The following COL13A1 variants were observed in gnomAD, a reference collection of about 807,000 sequenced individuals.
The protein encoded by COL13A1 is collagen type XIII alpha 1 chain, also known as collagen alpha-1(XIII) chain.
Under a neutral mutation model 130.9 loss-of-function variants are expected in COL13A1, and 89 were observed. The ratio of observed to expected loss-of-function variants is 0.68; its 90% CI spans 0.57 to 0.81. The LOEUF (loss-of-function observed/expected upper bound fraction) is 0.81, where lower values mean the gene tolerates loss of function less well. Among genes scored for constraint, COL13A1 ranks in the 30% least tolerant of loss-of-function variants. The pLI is 0.00. For synonymous variants in COL13A1, 402 were observed against 341.6 expected, an observed-to-expected ratio of 1.18 and a Z score of -1.95; for missense variants, 879 against 934.6, an observed-to-expected ratio of 0.94 and a Z score of 0.78.
intron 2 of COL13A1, among the ~76,000 whole-genome samples, chr10:69,859,771 G>A (rs1238514451): frequency 6.6e-6 from 1 of 152,246 alleles, no homozygotes. Context: ...GCTGCCCAGA[G>A]GGCTGCAGCC....
intron 2 of COL13A1, among the ~76,000 whole-genome samples, chr10:69,852,833 T>C (rs896127620): frequency 2.0e-5 from 3 of 152,386 alleles, no homozygotes; most frequent in African/African-American, 7.2e-5. Context: ...CAGTGAATGA[T>C]GCTAGTGGCC....
chr10:69,925,139 C>A, intron 25 of COL13A1, 132 bp downstream of exon 25: 2 of 901,494 alleles, frequency 2.2e-6, no homozygotes, highest in South Asian at 2.6e-5. Flanking sequence ...AGAGACAGGT[C>A]TGTGCCTTTT....
intron 36 of COL13A1, among the ~76,000 whole-genome samples, chr10:69,944,548 A>C (rs1278211669): frequency 1.3e-5 from 2 of 152,092 alleles, no homozygotes; most frequent in Non-Finnish European, 2.9e-5. Flanking sequence ...AGTCCTAGCT[A>C]CTTGGGAGGC....
At chr10:69,860,533 G>A (rs1002890462) in intron 2 of COL13A1, among the ~76,000 whole-genome samples, 17 of 152,190 alleles carry the variant, frequency 1.1e-4, no homozygotes, top group African/African-American at 3.6e-4. Flanking sequence ...ATCAGCTGTC[G>A]AGACACCATT....
chr10:69,863,078 C>T lies in COL13A1; in HGVS notation c.365-4720C>T, dbSNP rs373504330. Among the ~76,000 whole-genome samples the T allele has an allele frequency of 2.0e-4, 31 of 152,178 alleles. 1 individual carries two copies. The East Asian group carries it at 3.1e-3, about 15-fold the overall frequency. ...AGGGACTGAGGCACGGGAGGAGCCC[C>T]GAGGCAGGTCTGGTGCCATTAGTCC... On this transcript the variant is annotated intron_variant, in intron 2 of 40. Transcript: ENST00000645393.
At chr10:69,931,787 A>G (rs1283926095) in intron 30 of COL13A1, among the ~76,000 whole-genome samples, 1 of 152,176 alleles carries the variant, frequency 6.6e-6, no homozygotes, top group Non-Finnish European at 1.5e-5. Flanking sequence ...TGCATAACTA[A>G]TCACTGCAAA....
rs2066271086 is a variant in COL13A1, at chr10:69,932,603, A to G, written c.1727A>G (p.Glu576Gly). The change falls in exon 31 of 41, where the codon GAG becomes GGG. Residue 576 changes from glutamate to glycine, a missense_variant and splice_region_variant. Physicochemically the swap from Glu to Gly is moderately conservative, Grantham distance 98 (BLOSUM62 -2). Transcript: ENST00000645393. ...GGGGAGAAGGGCAATCCAGGAGCAG[A>G]GGTACATGAGAGATAATTTGACAGA... ...EAGEKGNPGA[E>G]VPGLPGPEGP... 6.2e-7 allele frequency: 1 copy of G among 1,601,930 alleles called. No homozygotes were observed. The highest frequency in any genetic ancestry group is 1.7e-5 in the Admixed American group (1 of 59,956).
intron 34 of COL13A1, among the ~76,000 whole-genome samples, chr10:69,939,325 G>T (rs886691485): frequency 3.3e-5 from 5 of 152,198 alleles, no homozygotes; most frequent in Admixed American, 6.5e-5. Flanking sequence ...TTCAAAGGAA[G>T]TTAAACATCT....
chr10:69,944,523 A>G (rs1190702756), intron 36 of COL13A1, among the ~76,000 whole-genome samples: 1 of 151,998 alleles, frequency 6.6e-6, no homozygotes, highest in Non-Finnish European at 1.5e-5. Context: ...GCCAGGCATG[A>G]TGGTGCACAC....
At chr10:69,849,814 T>C (rs1854227396) in intron 2 of COL13A1, among the ~76,000 whole-genome samples, 1 of 152,202 alleles carries the variant, frequency 6.6e-6, no homozygotes, top group Non-Finnish European at 1.5e-5. Flanking sequence ...CCCCACCCGG[T>C]GTGGCCTGCC....
intron 1 of COL13A1, among the ~76,000 whole-genome samples, chr10:69,806,819 C>T (rs985817419): frequency 6.6e-6 from 1 of 152,126 alleles, no homozygotes; most frequent in Non-Finnish European, 1.5e-5. Context: ...CCAGCCTGAC[C>T]AACATGGTGA....
intron 36 of COL13A1, among the ~76,000 whole-genome samples, chr10:69,944,799 G>A (rs2068225062): frequency 6.6e-6 from 1 of 152,168 alleles, no homozygotes; most frequent in Non-Finnish European, 1.5e-5. Context: ...GTTCAGTTTG[G>A]CAAGGCCCTG....
chr10:69,810,346 A>AAGAGAGAGAGAGAGAGAGAGAG (rs1564723791), intron 1 of COL13A1, among the ~76,000 whole-genome samples: 14 of 71,146 alleles, frequency 2.0e-4, no homozygotes, highest in African/African-American at 8.7e-4. Flanking sequence ...GGCCCTGAGA[A>AAGAGAGAGAGAGAGAGAGAGAG]TGAGAGAGAG....
At chr10:69,925,523 C>G (rs1165409707) in intron 25 of COL13A1, among the ~76,000 whole-genome samples, 1 of 152,224 alleles carries the variant, frequency 6.6e-6, no homozygotes, top group Non-Finnish European at 1.5e-5. Flanking sequence ...AGGGGAAGAG[C>G]ATTCTGGCCC....
Position 69,957,923 on chromosome 10 carries a change from G to A in COL13A1, c.2185-776G>A, listed in dbSNP as rs113123840. The stretch of plus-strand genomic sequence containing the variant: ...ACATGTTCAAGAATCTGTGCTCAAC[G>A]AATCCAGTCCTGTTCCAGTGGCAGC... On this transcript the variant is annotated intron_variant, in intron 40 of 40. Transcript: ENST00000645393. Among the ~76,000 whole-genome samples the A allele has an allele frequency of 2.2e-4, 34 of 152,240 alleles. 1 individual carries two copies. The highest frequency in any genetic ancestry group is 7.2e-4 in the African/African-American group (30 of 41,540).
intron 2 of COL13A1, among the ~76,000 whole-genome samples, chr10:69,826,480 C>A (rs1403571818): frequency 6.6e-6 from 1 of 152,146 alleles, no homozygotes; most frequent in South Asian, 2.1e-4. Context: ...GCAAAGAGGA[C>A]GGATGAAAGC....
intron 7 of COL13A1, among the ~76,000 whole-genome samples, chr10:69,885,173 CA>C (rs2060487955): frequency 1.3e-5 from 2 of 151,966 alleles, no homozygotes; most frequent in South Asian, 4.1e-4. Context: ...ACACAAAACC[CA>C]AAAGCCATAG....
intron 2 of COL13A1, among the ~76,000 whole-genome samples, chr10:69,826,696 T>C (rs1391949905): frequency 6.6e-6 from 1 of 152,156 alleles, no homozygotes; most frequent in Non-Finnish European, 1.5e-5. Flanking sequence ...AGACTCCATA[T>C]GGTGTCCACA....
In COL13A1 at chr10:69,924,001, G is replaced by A. The variant is rs1021035824; in HGVS notation, c.1284+146G>A. 3 of 1,150,090 alleles carry A rather than the reference G, an allele frequency of 2.6e-6. No individual in the cohort carries two copies. In the South Asian group the frequency reaches 4.6e-5, roughly 17 times the overall value. The allele number at this position is 1,150,090 out of a possible 1,614,324, so 71.2% of individuals were successfully genotyped here. A position where few individuals can be genotyped will look rare whatever the true frequency, so the allele number is the denominator to read the frequency against. ...GCTTCCCTAATTCCTGGTTGGCTTG[G>A]GCTTTAGAGAGCCATGCACTGAGAC... On this transcript the variant is annotated intron_variant, in intron 24 of 40. Coordinates refer to ENST00000645393, the MANE Select transcript of COL13A1 (RefSeq NM_001368882.1).
Sources: gnomAD v4.1 joint callset for allele counts (sites outside exome capture counted in the v4.1 genomes callset) on GRCh38, gnomAD v4.1.1 for gene constraint, MANE v1.5 for transcripts, NCBI Gene and HGNC (gene_info 2026-07-23, HGNC 2026-07-21) for gene names.